SCN11A: variants seen among roughly 807,000 people sequenced by gnomAD.
SCN11A encodes the protein sodium channel protein type 11 subunit alpha.
A neutral mutation model predicts 162.2 loss-of-function variants in SCN11A; 122 were observed. That is an observed-to-expected ratio of 0.75 (90% confidence interval 0.65 to 0.87). SCN11A has a LOEUF of 0.87. Among genes scored for constraint, SCN11A ranks in the 40% least tolerant of loss-of-function variants. SCN11A has a pLI of 0.00. For missense variants in SCN11A, 2,015 were observed against 2,181.6 expected (o/e 0.92, Z 1.52); for synonymous variants, 758 against 751.5 (o/e 1.01, Z -0.14).
At chr3:38,959,433 G>A (rs2066718618) in intron 3 of SCN11A, among the ~76,000 whole-genome samples, 1 of 152,180 alleles carries the variant, frequency 6.6e-6, no homozygotes, top group Non-Finnish European at 1.5e-5. Context: ...CAAGGAGATG[G>A]GAGAAAGGAG....
At chr3:38,850,178 C>T in intron 29 of SCN11A, 1 of 265,480 alleles carries the variant, frequency 3.8e-6, no homozygotes, top group Non-Finnish European at 7.0e-6. Flanking sequence ...CTGAATAAAT[C>T]AGGTTACCAC....
chr3:38,941,337 G>T (rs2066439848), intron 7 of SCN11A, among the ~76,000 whole-genome samples: 1 of 152,086 alleles, frequency 6.6e-6, no homozygotes, highest in African/African-American at 2.4e-5. Context: ...ATGAAATAAA[G>T]ACATTTTCAG....
At chr3:38,977,649 G>A (rs1362397831) in intron 2 of SCN11A, among the ~76,000 whole-genome samples, 2 of 152,148 alleles carry the variant, frequency 1.3e-5, no homozygotes, top group Non-Finnish European at 2.9e-5. Context: ...ACCTTCACCT[G>A]CCTTTCCAGA....
intron 2 of SCN11A, among the ~76,000 whole-genome samples, chr3:39,015,797 C>T (rs562515824): frequency 6.6e-5 from 10 of 152,176 alleles, no homozygotes; most frequent in Admixed American, 1.3e-4. Flanking sequence ...AGTGCAGTGG[C>T]GTGGTCTCGG....
At chr3:38,915,530 C>A (rs1208648477) in intron 11 of SCN11A, among the ~76,000 whole-genome samples, 2 of 152,088 alleles carry the variant, frequency 1.3e-5, no homozygotes, top group East Asian at 3.8e-4. Flanking sequence ...CAAAAAACTT[C>A]TTGATTTCTG....
At chr3:38,881,346 G>A (rs1485633458) in intron 22 of SCN11A, among the ~76,000 whole-genome samples, 5 of 152,130 alleles carry the variant, frequency 3.3e-5, no homozygotes, top group African/African-American at 1.2e-4. Context: ...GGCTCCTGGA[G>A]GTCAGGGACT....
At chr3:38,947,245 A>G (rs2125574483) in intron 5 of SCN11A, among the ~76,000 whole-genome samples, 1 of 152,350 alleles carries the variant, frequency 6.6e-6, no homozygotes, top group South Asian at 2.1e-4. Flanking sequence ...ATTATTTTAA[A>G]TTATTTTGAT....
At chr3:38,952,420 A>C (rs990745936) in intron 4 of SCN11A, among the ~76,000 whole-genome samples, 3 of 152,180 alleles carry the variant, frequency 2.0e-5, no homozygotes, top group Non-Finnish European at 4.4e-5. Flanking sequence ...GCTGACTCTT[A>C]CACCCACTCC....
chr3:38,851,555 C>T lies in SCN11A; in HGVS notation c.4057-804G>A, dbSNP rs534599353. ...TCCATTATTTTCTTTAATACAACTG[C>T]TGTGAAGCACTACTTTGTTCTTCAC... On this transcript the variant is annotated intron_variant, in intron 28 of 29. Transcript: ENST00000302328. 8.6e-4 allele frequency among the ~76,000 whole-genome samples: 131 copies of T among 152,304 alleles called. 1 individual carries two copies. The highest frequency in any genetic ancestry group is 3.1e-3 in the African/African-American group (129 of 41,570).
chr3:39,050,972 C>T (rs2032341144), intron 1 of SCN11A, among the ~76,000 whole-genome samples: 1 of 152,114 alleles, frequency 6.6e-6, no homozygotes, highest in Admixed American at 6.5e-5. Flanking sequence ...GTCTGATCAC[C>T]CTCAGCTCTT....
In SCN11A at chr3:38,926,734, G is replaced by A. The variant is rs538295820; in HGVS notation, c.617+69C>T. 3.1e-5 allele frequency: 47 copies of A among 1,497,974 alleles called. 1 individual carries two copies. In the South Asian group the frequency reaches 5.3e-4, roughly 17 times the overall value. 92.8% of individuals were successfully genotyped at this position (1,497,974 alleles called of 1,614,324 possible). A position where few individuals can be genotyped will look rare whatever the true frequency, so the allele number is the denominator to read the frequency against. On this transcript the variant is annotated intron_variant, in intron 8 of 29. Transcript: ENST00000302328. ...AGCCACTCAAATGGATCCACACAGA[G>A]CTCTGATGGAAGCAAAGGGGCTTCT...
chr3:38,989,045 A>G (rs923602614), intron 2 of SCN11A, among the ~76,000 whole-genome samples: 1 of 152,162 alleles, frequency 6.6e-6, no homozygotes, highest in Non-Finnish European at 1.5e-5. Context: ...CCATTAGAGT[A>G]AGGTGGAAGT....
intron 2 of SCN11A, among the ~76,000 whole-genome samples, chr3:39,024,622 C>T (rs1289957238): frequency 6.6e-6 from 1 of 152,198 alleles, no homozygotes; most frequent in East Asian, 1.9e-4. Context: ...AATACTCTAA[C>T]TTTTCCTCTA....
intron 2 of SCN11A, among the ~76,000 whole-genome samples, chr3:38,995,403 A>C (rs1211604445): frequency 6.6e-6 from 1 of 152,202 alleles, no homozygotes; most frequent in African/African-American, 2.4e-5. Flanking sequence ...TACAGGCGTG[A>C]GCCATGGCAC....
At chr3:38,870,859 A>C (rs1559497673) in intron 25 of SCN11A, 115 bp from the exon 26 acceptor site, 3 of 789,448 alleles carry the variant, frequency 3.8e-6, no homozygotes, top group Non-Finnish European at 6.5e-6. Context: ...ATGATACCCC[A>C]ACCTTCTAGG....
At chr3:38,929,180 G>T (rs2066199994) in intron 7 of SCN11A, among the ~76,000 whole-genome samples, 1 of 123,600 alleles carries the variant, frequency 8.1e-6, no homozygotes, top group African/African-American at 3.4e-5. Context: ...CACATGTTTG[G>T]GACTGAAACA....
intron 1 of SCN11A, among the ~76,000 whole-genome samples, chr3:39,039,421 A>G (rs1174162540): frequency 2.0e-5 from 3 of 152,190 alleles, no homozygotes; most frequent in African/African-American, 7.2e-5. Context: ...CTGTCACGGC[A>G]TGGTACCATT....
chr3:39,047,393 C>T (rs1023507282), intron 1 of SCN11A, among the ~76,000 whole-genome samples: 9 of 152,036 alleles, frequency 5.9e-5, no homozygotes, highest in South Asian at 2.1e-4. Flanking sequence ...GGATTAAAAA[C>T]CTAAATATAA....
intron 5 of SCN11A, among the ~76,000 whole-genome samples, chr3:38,948,905 C>G (rs895706536): frequency 1.3e-5 from 2 of 152,196 alleles, no homozygotes; most frequent in African/African-American, 4.8e-5. Flanking sequence ...GCCCTGGAAT[C>G]CTGGGGCATC....
Sources: allele counts gnomAD v4.1 joint callset (sites outside exome capture counted in the v4.1 genomes callset), GRCh38; gene constraint gnomAD v4.1.1; transcripts MANE v1.5; gene names NCBI Gene and HGNC (gene_info 2026-07-23, HGNC 2026-07-21).